SLC30A6: variants seen among roughly 807,000 people sequenced by gnomAD.
SLC30A6 encodes zinc transporter 6.
A neutral mutation model predicts 63.0 loss-of-function variants in SLC30A6; 55 were observed. The ratio of observed to expected loss-of-function variants is 0.87; its 90% CI spans 0.70 to 1.09. The LOEUF (loss-of-function observed/expected upper bound fraction) is 1.09. Among genes scored for constraint, SLC30A6 ranks in the 50% least tolerant of loss-of-function variants. The pLI, the probability that SLC30A6 is intolerant of heterozygous loss-of-function variation, is 0.00. For missense variants in SLC30A6, 587 were observed against 549.2 expected (o/e 1.07, Z -0.69); for synonymous variants, 224 against 186.1 (o/e 1.20, Z -1.66).
intron 5 of SLC30A6, among the ~76,000 whole-genome samples, chr2:32,186,438 G>T (rs1254043356): frequency 6.6e-6 from 1 of 152,170 alleles, no homozygotes; most frequent in Non-Finnish European, 1.5e-5. Flanking sequence ...ATAATCCCGG[G>T]ACTTCGGGAG....
chr2:32,208,735 A>G lies in SLC30A6; in HGVS notation c.817-758A>G, dbSNP rs426435. On this transcript the variant is annotated intron_variant, in intron 12 of 13. Transcript: ENST00000282587. ...CGCCATGTTGGCCTGGCTGGACTCG[A>G]ACTCCTGGCCTCAAGTGATCTGCCT... 9.0e-3 allele frequency among the ~76,000 whole-genome samples: 1,368 copies of G among 151,980 alleles called. 22 individuals carry two copies. Among genetic ancestry groups the G allele is most frequent in the African/African-American group, 0.031 (1,273 of 41,468 alleles).
chr2:32,213,186 C>T (rs1007753081), intron 13 of SLC30A6, among the ~76,000 whole-genome samples: 3 of 151,912 alleles, frequency 2.0e-5, no homozygotes, highest in Non-Finnish European at 4.4e-5. Flanking sequence ...GGATTACAGG[C>T]ACGAGCCACT....
At chr2:32,206,440 CA>C (rs35790322) in intron 11 of SLC30A6, among the ~76,000 whole-genome samples, 103,348 of 146,508 alleles carry the variant, frequency 0.71, 36,133 homozygotes, top group Middle Eastern at 0.74. Flanking sequence ...AGCGAGATTC[CA>C]AAAAAAAAAA....
intron 6 of SLC30A6, 79 bp from the exon 7 acceptor site, chr2:32,192,839 T>TG (rs1437231567): frequency 1.1e-6 from 1 of 884,850 alleles, no homozygotes; most frequent in African/African-American, 1.8e-5. Flanking sequence ...AACTTTAAGG[T>TG]GGGTGAATGA....
At position 32,224,294 on chromosome 2, in the gene SLC30A6, G is replaced by A; in HGVS notation, c.*3581G>A. ...CAAAGATGAATGAGAATTCCTTCAA[G>A]GCGCCGATAATCCTAGTAGGAGAGC... On this transcript the variant is annotated 3_prime_UTR_variant, in exon 14 of 14. Transcript: ENST00000282587. The A allele has an allele frequency of 1.9e-6, 1 of 530,204 alleles. No homozygotes were observed. Among genetic ancestry groups the A allele is most frequent in the Non-Finnish European group, 3.3e-6 (1 of 304,484 alleles). The allele number at this position is 530,204 out of a possible 1,614,324, so 32.8% of individuals were successfully genotyped here.
intron 12 of SLC30A6, among the ~76,000 whole-genome samples, chr2:32,207,523 C>T (rs1365158777): frequency 2.0e-5 from 3 of 151,404 alleles, no homozygotes; most frequent in Admixed American, 2.0e-4. Flanking sequence ...ACTACAGATG[C>T]AAGCCACCAT....
chr2:32,200,077 T>TATACACAC (rs541229628), intron 10 of SLC30A6, among the ~76,000 whole-genome samples: 9 of 149,204 alleles, frequency 6.0e-5, no homozygotes, highest in Admixed American at 4.0e-4. Context: ...GAGACATATA[T>TATACACAC]ACACACACAC....
chr2:32,166,304 G>GAA (rs11343460), intron 1 of SLC30A6, among the ~76,000 whole-genome samples: 10 of 146,290 alleles, frequency 6.8e-5, no homozygotes, highest in African/African-American at 1.8e-4. Context: ...AACGCCAGCG[G>GAA]AAAAAAAAAA....
chr2:32,200,839 A>AAAT (rs70938331), intron 10 of SLC30A6, among the ~76,000 whole-genome samples: 7,774 of 151,202 alleles, frequency 0.051, 318 homozygotes, highest in African/African-American at 0.11. Context: ...ATAAAGAAAA[A>AAAT]AATAATAATA....
At chr2:32,187,387 G>T (rs1293539844) in intron 5 of SLC30A6, 1 of 387,456 alleles carries the variant, frequency 2.6e-6, no homozygotes, top group Non-Finnish European at 5.1e-6. Context: ...ACTGTTGCTT[G>T]GGCCAGCTTG....
chr2:32,172,936 A>G lies in SLC30A6; in HGVS notation c.91-1127A>G, dbSNP rs995277433. 3.3e-5 allele frequency among the ~76,000 whole-genome samples: 5 copies of G among 152,310 alleles called. No individual in the cohort carries two copies. The East Asian group carries it at 9.7e-4, about 29-fold the overall frequency. ...AACTTCTACATCCTATCATTAGCAC[A>G]TCAGCCATCACTCCGCCTTCCCTCC... On this transcript the variant is annotated intron_variant, in intron 2 of 13. Transcript: ENST00000282587.
chr2:32,210,234 G>A (rs1573407318), intron 13 of SLC30A6, among the ~76,000 whole-genome samples: 1 of 152,228 alleles, frequency 6.6e-6, no homozygotes, highest in East Asian at 1.9e-4. Context: ...ATCACGGGCT[G>A]GGCGTGGTAG....
chr2:32,207,559 TGG>T (rs1216811993), intron 12 of SLC30A6, among the ~76,000 whole-genome samples: 2 of 151,814 alleles, frequency 1.3e-5, no homozygotes, highest in Non-Finnish European at 2.9e-5. Context: ...GTATTTTTAG[TGG>T]AGACAGGGTT....
rs1686192315 is a variant in SLC30A6, at chr2:32,222,494, C to A, written c.*1781C>A. On this transcript the variant is annotated 3_prime_UTR_variant, in exon 14 of 14. Coordinates refer to ENST00000282587, the MANE Select transcript of SLC30A6 (RefSeq NM_017964.5). ...TTTCTTCACTGTGGATTAAAAACAT[C>A]CAAGAAGCCATCTCTGTCAAGCAGA... 1 of 152,070 alleles carries A rather than the reference C, an allele frequency of 6.6e-6. No individual in the cohort carries two copies. The highest frequency in any genetic ancestry group is 1.5e-5 in the Non-Finnish European group (1 of 68,022). 9.4% of individuals were successfully genotyped at this position (152,070 alleles called of 1,614,324 possible).
intron 13 of SLC30A6, among the ~76,000 whole-genome samples, chr2:32,214,968 G>A (rs1685574096): frequency 6.6e-6 from 1 of 152,300 alleles, no homozygotes; most frequent in Middle Eastern, 3.4e-3. Context: ...TAAACTGGAA[G>A]TCAAATTCAA....
intron 13 of SLC30A6, chr2:32,214,473 C>G (rs1685530593): frequency 6.6e-6 from 1 of 152,034 alleles, no homozygotes; most frequent in Admixed American, 6.6e-5. Context: ...TGGAACGCTT[C>G]ATGAATTTGC....
intron 13 of SLC30A6, among the ~76,000 whole-genome samples, chr2:32,213,567 T>G (rs1685437357): frequency 6.6e-6 from 1 of 152,114 alleles, no homozygotes; most frequent in Non-Finnish European, 1.5e-5. Flanking sequence ...GTCTTACACC[T>G]TTTATTTGGG....
At chr2:32,203,556 A>G (rs11124279) in intron 10 of SLC30A6, 4 of 1,602,822 alleles carry the variant, frequency 2.5e-6, no homozygotes, top group Non-Finnish European at 3.4e-6. Flanking sequence ...TCTGATAGGG[A>G]TTTGTGACCA....
At chr2:32,201,883 G>C (rs1684323115) in intron 10 of SLC30A6, 2 of 1,451,002 alleles carry the variant, frequency 1.4e-6, no homozygotes, top group Non-Finnish European at 1.9e-6. Flanking sequence ...TTACCTGGAT[G>C]CTCCCAAGAC....
Sources: gnomAD v4.1 joint callset for allele counts (sites outside exome capture counted in the v4.1 genomes callset) on GRCh38, gnomAD v4.1.1 for gene constraint, MANE v1.5 for transcripts, NCBI Gene and HGNC (gene_info 2026-07-23, HGNC 2026-07-21) for gene names.